The following RAD51C variants were observed in gnomAD, a reference collection of about 807,000 sequenced individuals.
RAD51C encodes DNA repair protein RAD51 homolog 3.
Under a neutral mutation model 45.0 loss-of-function variants are expected in RAD51C, and 42 were observed. The observed-to-expected ratio is 0.93, with a 90% CI of 0.73 to 1.21. The LOEUF (loss-of-function observed/expected upper bound fraction) is 1.21, where lower values mean the gene tolerates loss of function less well. RAD51C is among the 50% of genes most tolerant of loss of function. The pLI is 0.00. For synonymous variants in RAD51C, 172 were observed against 159.8 expected (o/e 1.08, Z -0.58); for missense variants, 474 against 452.2 (o/e 1.05, Z -0.44).
intron 5 of RAD51C, among the ~76,000 whole-genome samples, chr17:58,718,829 T>C (rs2048823137): frequency 6.6e-6 from 1 of 152,196 alleles, no homozygotes; most frequent in Non-Finnish European, 1.5e-5. Flanking sequence ...ACAGTAATAC[T>C]ATATTTGCTT....
At chr17:58,699,941 C>T (rs973829455) in intron 3 of RAD51C, 11 of 152,086 alleles carry the variant, frequency 7.2e-5, no homozygotes, top group African/African-American at 2.4e-4. Flanking sequence ...CCTTCACCTC[C>T]CAGGTTCAAG....
At chr17:58,720,686 T>C in intron 5 of RAD51C, 60 bp from the exon 6 acceptor site, 3 of 1,308,062 alleles carry the variant, frequency 2.3e-6, no homozygotes, top group Non-Finnish European at 3.3e-6. Context: ...TTGGCCAGAC[T>C]GGTCTACTTG....
chr17:58,724,275 C>T (rs1027786770), intron 7 of RAD51C, among the ~76,000 whole-genome samples, 175 bp downstream of exon 7: 16 of 152,086 alleles, frequency 1.1e-4, no homozygotes, highest in African/African-American at 3.9e-4. Context: ...GTTGTTATTA[C>T]TGCATATTTA....
chr17:58,716,181 G>T (rs949080535), intron 5 of RAD51C, among the ~76,000 whole-genome samples: 16 of 151,864 alleles, frequency 1.1e-4, no homozygotes, highest in Non-Finnish European at 2.2e-4. Flanking sequence ...TATCATGGAG[G>T]CCAATCGTTT....
Position 58,696,767 on chromosome 17 carries a change from C to A in RAD51C, c.479C>A (p.Thr160Lys), listed in dbSNP as rs1598460398. The part of the protein sequence containing the change: ...GVAGEAVFID[T>K]EGSFMVDRVV... ...GCAGGTGAAGCAGTTTTTATTGATA[C>A]AGAGGGAAGTTTTATGGTTGATAGA... The change falls in exon 3 of 9, where the codon ACA becomes AAA. Residue 160 changes from threonine to lysine, a missense_variant. Coordinates refer to ENST00000337432, the MANE Select transcript of RAD51C (RefSeq NM_058216.3). 1 of 1,614,124 alleles carries A rather than the reference C, an allele frequency of 6.2e-7. No homozygotes were observed. Among genetic ancestry groups the A allele is most frequent in the African/African-American group, 1.3e-5 (1 of 75,036 alleles).
At chr17:58,696,518 C>T (rs28363306) in intron 2 of RAD51C, among the ~76,000 whole-genome samples, 175 bp from the exon 3 acceptor site, 131 of 152,266 alleles carry the variant, frequency 8.6e-4, no homozygotes, top group Admixed American at 1.9e-3. Context: ...TACATATAGT[C>T]GATTGGTTCA....
chr17:58,703,646 C>G (rs762155441), intron 4 of RAD51C, among the ~76,000 whole-genome samples: 1 of 152,100 alleles, frequency 6.6e-6, no homozygotes, highest in Non-Finnish European at 1.5e-5. Context: ...CTACTGTTTT[C>G]TAGTGCCTCT....
chr17:58,714,152 T>C (rs1444388320), intron 5 of RAD51C, among the ~76,000 whole-genome samples: 1 of 151,814 alleles, frequency 6.6e-6, no homozygotes, highest in African/African-American at 2.4e-5. Context: ...ACCTGGCTAA[T>C]TTTTGTATTT....
intron 1 of RAD51C, 46 bp from the exon 2 acceptor site, chr17:58,694,885 T>C: frequency 6.7e-7 from 1 of 1,496,064 alleles, no homozygotes; most frequent in Non-Finnish European, 9.3e-7. Flanking sequence ...TGTTACACTT[T>C]TAAATCTCTA....
chr17:58,714,667 C>A (rs987820664), intron 5 of RAD51C, among the ~76,000 whole-genome samples: 1 of 152,046 alleles, frequency 6.6e-6, no homozygotes, highest in African/African-American at 2.4e-5. Flanking sequence ...CTGTGTTAGC[C>A]AGGATGGTCT....
chr17:58,697,305 A>G (rs533338083), intron 3 of RAD51C, among the ~76,000 whole-genome samples: 65 of 152,274 alleles, frequency 4.3e-4, no homozygotes, highest in Middle Eastern at 3.4e-3. Flanking sequence ...TGGGAGGCCA[A>G]GGCGGGTGGA....
intron 3 of RAD51C, among the ~76,000 whole-genome samples, 164 bp from the exon 4 acceptor site, chr17:58,703,032 G>A (rs1344741736): frequency 5.3e-5 from 8 of 152,142 alleles, no homozygotes; most frequent in Non-Finnish European, 1.2e-4. Flanking sequence ...AAAAGATCAG[G>A]AATTATGAAC....
Position 58,709,957 on chromosome 17 carries a change from A to T in RAD51C, c.804A>T (p.Gln268His), listed in dbSNP as rs1186483962. ...RTRLLNGLAQ[Q>H]MISLANNHRL... ...GGTTATTAAATGGCCTAGCCCAGCA[A>T]ATGATCAGCCTTGCAAATAATCACA... is the stretch of plus-strand genomic sequence containing the variant. Residue 268 changes from glutamine (Q) to histidine (H), a missense_variant, in exon 5 of 9, where the codon CAA (glutamine) becomes CAT (histidine). Transcript: ENST00000337432. The T allele has an allele frequency of 3.7e-6, 6 of 1,613,470 alleles. No homozygotes were observed. The highest frequency in any genetic ancestry group is 3.3e-5 in the South Asian group (3 of 91,072).
At position 58,692,777 on chromosome 17, in the gene RAD51C, A is replaced by G. The variant is rs587781383; in HGVS notation, c.134A>G (p.Glu45Gly). The change falls in exon 1 of 9, where the codon GAG (glutamate) becomes GGG (glycine). Residue 45 changes from glutamate to glycine, a missense_variant. By Grantham distance (98) the Glu-to-Gly change is moderately conservative. Transcript: ENST00000337432. Reference protein sequence around the residue: ...AEELLEVKPSELSKEVGISKA... With the variant: ...AEELLEVKPSGLSKEVGISKA... ...GAACTCCTAGAGGTGAAACCCTCCG[A>G]GCTTAGCAAAGGTAACGACTCCTGA... The G allele has an allele frequency of 4.3e-5, 69 of 1,614,080 alleles. No homozygotes were observed. The highest frequency in any genetic ancestry group is 4.0e-5 in the African/African-American group (3 of 74,938).
intron 4 of RAD51C, chr17:58,706,674 T>C (rs2048391313): frequency 4.0e-6 from 1 of 249,754 alleles, no homozygotes; most frequent in Non-Finnish European, 9.1e-6. Flanking sequence ...TCTTGAGGAA[T>C]AGGGCACATT....
At chr17:58,728,485 C>T (rs1222166217) in intron 7 of RAD51C, among the ~76,000 whole-genome samples, 3 of 150,822 alleles carry the variant, frequency 2.0e-5, no homozygotes, top group East Asian at 4.0e-4. Flanking sequence ...GCAACCTCAA[C>T]CTCCTGGGCT....
chr17:58,732,869 A>C (rs2049489436), intron 8 of RAD51C: 2 of 318,150 alleles, frequency 6.3e-6, no homozygotes, highest in Admixed American at 8.7e-5. Flanking sequence ...AACATTACTT[A>C]TTTTGGTCTG....
At chr17:58,732,326 G>T in intron 7 of RAD51C, 158 bp from the exon 8 acceptor site, 1 of 641,194 alleles carries the variant, frequency 1.6e-6, no homozygotes, top group Non-Finnish European at 2.7e-6. Context: ...AATTTGAAGG[G>T]TGTATTTTTA....
rs113403135 is a variant in RAD51C at position 58,701,656 on chromosome 17, C to T, written c.572-1540C>T. Reference sequence around the variant, plus strand: ...CGGGATCTCAGCTCACTACAACCTCCGTCTCCCGGGTTCAAGCCAGTCTCC... The same window carrying T: ...CGGGATCTCAGCTCACTACAACCTCTGTCTCCCGGGTTCAAGCCAGTCTCC... On this transcript the variant is annotated intron_variant, in intron 3 of 8. Transcript: ENST00000337432. Among the ~76,000 whole-genome samples the T allele has an allele frequency of 5.9e-4, 89 of 151,304 alleles. 1 individual carries two copies. Among genetic ancestry groups the T allele is most frequent in the African/African-American group, 2.1e-3 (86 of 41,352 alleles).
Sources: gnomAD v4.1 joint callset for allele counts (sites outside exome capture counted in the v4.1 genomes callset) on GRCh38, gnomAD v4.1.1 for gene constraint, MANE v1.5 for transcripts, NCBI Gene and HGNC (gene_info 2026-07-23, HGNC 2026-07-21) for gene names.